Variants in PPIL2 observed in about 807,000 individuals in gnomAD.
The protein encoded by PPIL2 is RING-type E3 ubiquitin-protein ligase PPIL2.
A neutral mutation model predicts 75.2 loss-of-function variants in PPIL2; 50 were observed. The observed-to-expected ratio is 0.66, with a 90% confidence interval of 0.53 to 0.84. The LOEUF (loss-of-function observed/expected upper bound fraction) is 0.84, where lower values mean the gene tolerates loss of function less well. Among genes scored for constraint, PPIL2 ranks in the 40% least tolerant of loss-of-function variants. PPIL2 has a pLI of 0.00. For synonymous variants in PPIL2, 245 were observed against 258.8 expected, an observed-to-expected ratio of 0.95 and a Z score of 0.51; for missense variants, 590 against 685.0, an observed-to-expected ratio of 0.86 and a Z score of 1.55.
intron 6 of PPIL2, 103 bp from the exon 7 acceptor site, chr22:21,681,196 G>T: frequency 2.2e-6 from 2 of 921,802 alleles, no homozygotes; most frequent in South Asian, 1.4e-5. Context: ...TCCTCCCATC[G>T]CTGACTTTGG....
chr22:21,676,432 G>A (rs1359620282), intron 6 of PPIL2, among the ~76,000 whole-genome samples: 1 of 151,352 alleles, frequency 6.6e-6, no homozygotes, highest in African/African-American at 2.4e-5. Flanking sequence ...CAGGGTCATA[G>A]GACAATAGTG....
intron 16 of PPIL2, 138 bp downstream of exon 16, chr22:21,694,010 A>T (rs962779182): frequency 1.2e-5 from 12 of 969,020 alleles, no homozygotes; most frequent in Non-Finnish European, 9.6e-6. Flanking sequence ...GGTTGAGGCT[A>T]TGCAGAGCTG....
At position 21,693,892 on chromosome 22, in the gene PPIL2, G is replaced by A; in HGVS notation, c.1196+20G>A. 3 of 1,528,268 alleles carry A rather than the reference G, an allele frequency of 2.0e-6. No homozygotes were observed. Among genetic ancestry groups the A allele is most frequent in the Non-Finnish European group, 1.8e-6 (2 of 1,101,962 alleles). The allele number at this position is 1,528,268 out of a possible 1,614,324, so 94.7% of individuals were successfully genotyped here. On this transcript the variant is annotated intron_variant, in intron 16 of 19. Transcript: ENST00000398831. The stretch of plus-strand genomic sequence containing the variant: ...TGGACGGTAAGGGAAGCGGCTGTGT[G>A]AAGCCTGGGGGGTCAGTGGGCTAGG...
intron 4 of PPIL2, 25 bp downstream of exon 4, chr22:21,671,084 C>A: frequency 6.3e-7 from 1 of 1,590,654 alleles, no homozygotes; most frequent in South Asian, 1.1e-5. Context: ...GAATTTTGAT[C>A]TAACAAATGT....
intron 7 of PPIL2, 78 bp from the exon 8 acceptor site, chr22:21,682,359 C>T: frequency 4.6e-6 from 6 of 1,290,614 alleles, no homozygotes; most frequent in Non-Finnish European, 6.7e-6. Flanking sequence ...TCGGGGCCAG[C>T]TCCAGGCCTC....
At chr22:21,687,184 G>A in intron 12 of PPIL2, among the ~76,000 whole-genome samples, 186 bp downstream of exon 12, 1 of 152,126 alleles carries the variant, frequency 6.6e-6, no homozygotes, top group East Asian at 1.9e-4. Context: ...CATGGCCTGC[G>A]CACAGGTGCC....
chr22:21,686,646 C>A, intron 11 of PPIL2, 88 bp downstream of exon 11: 1 of 1,343,152 alleles, frequency 7.4e-7, no homozygotes, highest in Non-Finnish European at 1.1e-6. Flanking sequence ...CTTTATTGGT[C>A]TGTCAGGGGC....
In PPIL2 at chr22:21,680,015, G is replaced by C. The variant is rs530073865; in HGVS notation, c.296-1284G>C. ...TGAGGCAGGAGAATGGCGTGAACCC[G>C]GGAGGCGGAGCTTGCAGTGAGCCGA... On this transcript the variant is annotated intron_variant, in intron 6 of 19. Transcript: ENST00000398831. 1.9e-4 allele frequency among the ~76,000 whole-genome samples: 29 copies of C among 151,838 alleles called. 1 individual carries two copies. The South Asian group carries it at 5.6e-3, about 29-fold the overall frequency.
In PPIL2 at chr22:21,677,021, G is replaced by A. The variant is rs572247583; in HGVS notation, c.295+1906G>A. ...TCCCTCTTGGACGGGGCGGCTGGCC[G>A]GGCGGGGGCTGCCCCCCACCTCCCT... On this transcript the variant is annotated intron_variant, in intron 6 of 19. Coordinates refer to ENST00000398831, the MANE Select transcript of PPIL2 (RefSeq NM_014337.4). Among the ~76,000 whole-genome samples, 370 of 150,764 alleles carry A rather than the reference G, an allele frequency of 2.5e-3. 3 individuals are homozygous for A. Among genetic ancestry groups the A allele is most frequent in the African/African-American group, 8.4e-3 (346 of 41,008 alleles).
chr22:21,689,123 C>T (rs1285901639), intron 15 of PPIL2, among the ~76,000 whole-genome samples: 6 of 152,180 alleles, frequency 3.9e-5, no homozygotes, highest in Admixed American at 3.3e-4. Flanking sequence ...ACCAGGCATT[C>T]GTGTGGGTGC....
rs2067934754 is a variant in PPIL2, at chr22:21,696,431, C to T, written c.*941C>T. On this transcript the variant is annotated 3_prime_UTR_variant, in exon 20 of 20. Coordinates refer to ENST00000398831, the MANE Select transcript of PPIL2 (RefSeq NM_014337.4). ...TGCTCTCAGGCCCGGCCACTGGGCT[C>T]CAAGACTCTGCTCCTCCTGTCAGTC... The T allele has an allele frequency of 1.7e-6, 2 of 1,188,394 alleles. No homozygotes were observed. The highest frequency in any genetic ancestry group is 2.1e-6 in the Non-Finnish European group (2 of 947,250). The allele number at this position is 1,188,394 out of a possible 1,614,324, so 73.6% of individuals were successfully genotyped here.
chr22:21,688,772 C>CA lies in PPIL2; in HGVS notation c.1062_1063insA (p.Arg355ThrfsTer51), dbSNP rs1243248735. 1 of 1,614,212 alleles carries CA rather than the reference C, an allele frequency of 6.2e-7. No individual in the cohort carries two copies. Among genetic ancestry groups the CA allele is most frequent in the Non-Finnish European group, 8.5e-7 (1 of 1,180,028 alleles). On this transcript the variant is annotated frameshift_variant, in exon 15 of 20. Coordinates refer to ENST00000398831, the MANE Select transcript of PPIL2 (RefSeq NM_014337.4). LOFTEE classifies it high-confidence loss of function. ...GGGGGAAGCCCTTCAAAGACGAGTT[C>CA]CGGCCCAACCTCTCGCACACGGGCC...
chr22:21,692,884 C>T (rs2067738001), intron 15 of PPIL2, among the ~76,000 whole-genome samples: 1 of 150,642 alleles, frequency 6.6e-6, no homozygotes, highest in South Asian at 2.1e-4. Context: ...CGACATCGCG[C>T]CACTGCACTC....
chr22:21,694,518 C>A, intron 16 of PPIL2, 75 bp from the exon 17 acceptor site: 1 of 1,544,476 alleles, frequency 6.5e-7, no homozygotes, highest in Non-Finnish European at 8.9e-7. Context: ...CCCCTCTTCC[C>A]ACGTGCCTTG....
chr22:21,687,064 C>T (rs1360534830), intron 12 of PPIL2, 66 bp downstream of exon 12: 2 of 1,427,762 alleles, frequency 1.4e-6, no homozygotes, highest in Non-Finnish European at 2.0e-6. Context: ...ACAGCCATGT[C>T]TTAAATATAG....
chr22:21,688,903 C>T lies in PPIL2; in HGVS notation c.1139+54C>T, dbSNP rs1488879698. 25 of 1,495,384 alleles carry T rather than the reference C, an allele frequency of 1.7e-5. No individual in the cohort carries two copies. The Admixed American group carries it at 2.0e-4, about 12-fold the overall frequency. The allele number at this position is 1,495,384 out of a possible 1,614,324, so 92.6% of individuals were successfully genotyped here. A position where few individuals can be genotyped will look rare whatever the true frequency, so the allele number is the denominator to read the frequency against. On this transcript the variant is annotated intron_variant, in intron 15 of 19. Transcript: ENST00000398831. Reference sequence around the variant, plus strand: ...CTGGGAGGTGAGCCGGCACTCTCTGCGGGTTCTTCCTCTTGGCCCTCTCTG... The same window carrying T: ...CTGGGAGGTGAGCCGGCACTCTCTGTGGGTTCTTCCTCTTGGCCCTCTCTG...
intron 15 of PPIL2, among the ~76,000 whole-genome samples, chr22:21,692,273 A>C (rs956461232): frequency 2.0e-5 from 3 of 151,458 alleles, no homozygotes; most frequent in Middle Eastern, 3.4e-3. Context: ...CTCCTGCCTC[A>C]GCCTCCCTAG....
Position 21,686,876 on chromosome 22 carries a change from G to A in PPIL2, c.791-16G>A, listed in dbSNP as rs763683186. The A allele has an allele frequency of 1.9e-6, 3 of 1,613,078 alleles. No homozygotes were observed. Among genetic ancestry groups the A allele is most frequent in the Admixed American group, 1.7e-5 (1 of 60,004 alleles). ...CAGGGTGAGGGCAGGGGCTGAGCTGGGACCTTGGCTTGTAGCTGCCATCGA... is the reference window on the plus strand; with the variant it reads ...CAGGGTGAGGGCAGGGGCTGAGCTGAGACCTTGGCTTGTAGCTGCCATCGA... On this transcript the variant is annotated splice_polypyrimidine_tract_variant and intron_variant, in intron 11 of 19. Transcript: ENST00000398831.
intron 16 of PPIL2, 141 bp downstream of exon 16, chr22:21,694,013 C>T (rs571943469): frequency 3.2e-6 from 3 of 947,074 alleles, no homozygotes; most frequent in South Asian, 3.0e-5. Context: ...TGAGGCTATG[C>T]AGAGCTGCGA....
Sources: allele counts gnomAD v4.1 joint callset (sites outside exome capture counted in the v4.1 genomes callset), GRCh38; gene constraint gnomAD v4.1.1; transcripts MANE v1.5; gene names NCBI Gene and HGNC (gene_info 2026-07-23, HGNC 2026-07-21).